Variants in ADAM23 observed in about 807,000 individuals in gnomAD.
The protein encoded by ADAM23 is ADAM metallopeptidase domain 23, also known as disintegrin and metalloproteinase domain-containing protein 23.
ADAM23 carries 33 observed loss-of-function variants against 120.1 expected under a neutral mutation model. The ratio of observed to expected loss-of-function variants is 0.27; its 90% CI spans 0.21 to 0.37. The LOEUF is 0.37. ADAM23 is among the 10% of genes least tolerant of loss of function. ADAM23 has a pLI of 1.00. For missense variants in ADAM23, 862 were observed against 1,058.2 expected (o/e 0.81, Z 2.57); for synonymous variants, 367 against 375.2 (o/e 0.98, Z 0.25).
chr2:206,445,379 A>T lies in ADAM23; in HGVS notation c.287A>T (p.Asn96Ile). The change falls in exon 2 of 26, where the codon AAT becomes ATT. Residue 96 changes from asparagine (N) to isoleucine (I), a missense_variant. Coordinates refer to ENST00000264377, the MANE Select transcript of ADAM23 (RefSeq NM_003812.4). ...GATGAAGACAATACATTGCAACAGA[A>T]TAGCAGCAGTAATATCAGTTACAGC... ...LADEDNTLQQ[N>I]SSSNISYSNA... The T allele has an allele frequency of 6.2e-7, 1 of 1,614,178 alleles. No homozygotes were observed. Among genetic ancestry groups the T allele is most frequent in the Non-Finnish European group, 8.5e-7 (1 of 1,180,028 alleles).
chr2:206,585,215 G>C (rs1408019107), intron 18 of ADAM23, among the ~76,000 whole-genome samples: 1 of 152,174 alleles, frequency 6.6e-6, no homozygotes, highest in Non-Finnish European at 1.5e-5. Context: ...CTGCAATCTA[G>C]TCCTGCCTCC....
At chr2:206,613,042 T>C (rs1698865547) in intron 25 of ADAM23, among the ~76,000 whole-genome samples, 1 of 152,230 alleles carries the variant, frequency 6.6e-6, no homozygotes, top group African/African-American at 2.4e-5. Context: ...ATGTTATGGG[T>C]AGTAACTTTG....
intron 2 of ADAM23, among the ~76,000 whole-genome samples, chr2:206,460,558 C>T (rs539353417): frequency 5.2e-4 from 79 of 152,006 alleles, no homozygotes; most frequent in Non-Finnish European, 1.1e-3. Context: ...ATTCTTCGCT[C>T]ATTTTCTAAT....
intron 10 of ADAM23, among the ~76,000 whole-genome samples, 173 bp from the exon 11 acceptor site, chr2:206,559,782 T>A (rs1446668963): frequency 6.6e-6 from 1 of 152,176 alleles, no homozygotes; most frequent in South Asian, 2.1e-4. Context: ...TGTTCTTTCT[T>A]TATTTTTGCT....
intron 25 of ADAM23, among the ~76,000 whole-genome samples, chr2:206,615,679 C>G (rs933821101): frequency 6.6e-6 from 1 of 152,200 alleles, no homozygotes; most frequent in African/African-American, 2.4e-5. Flanking sequence ...CAGAAAGATA[C>G]AGTTCTGCAG....
intron 13 of ADAM23, among the ~76,000 whole-genome samples, 191 bp from the exon 14 acceptor site, chr2:206,564,829 A>G (rs894006198): frequency 6.6e-6 from 1 of 152,230 alleles, no homozygotes; most frequent in South Asian, 2.1e-4. Flanking sequence ...GAATTAACCT[A>G]TAATTCTGGA....
rs1277099053 is a variant in ADAM23 at position 206,619,109 on chromosome 2, A to G, written c.*1482A>G. 2.0e-5 allele frequency: 3 copies of G among 152,222 alleles called. No homozygotes were observed. Among genetic ancestry groups the G allele is most frequent in the African/African-American group, 7.2e-5 (3 of 41,462 alleles). 9.4% of individuals were successfully genotyped at this position (152,222 alleles called of 1,614,324 possible). On this transcript the variant is annotated 3_prime_UTR_variant, in exon 26 of 26. Transcript: ENST00000264377. The stretch of plus-strand genomic sequence containing the variant: ...AAGTGGTAATGGGAATAGAAGGAGC[A>G]GTTACCTTTGTATCCGCATTGTTAA...
intron 2 of ADAM23, among the ~76,000 whole-genome samples, chr2:206,471,300 T>G (rs1695654162): frequency 6.6e-6 from 1 of 152,240 alleles, no homozygotes; most frequent in Admixed American, 6.5e-5. Context: ...TCAGAATTTC[T>G]CATTCTTAAC....
rs1486387805 is a variant in ADAM23 at position 206,620,988 on chromosome 2, A to G, written c.*3361A>G. 6.6e-6 allele frequency: 1 copy of G among 152,158 alleles called. No homozygotes were observed. Among genetic ancestry groups the G allele is most frequent in the Admixed American group, 6.5e-5 (1 of 15,278 alleles). 9.4% of individuals were successfully genotyped at this position (152,158 alleles called of 1,614,324 possible). A position where few individuals can be genotyped will look rare whatever the true frequency, so the allele number is the denominator to read the frequency against. On this transcript the variant is annotated 3_prime_UTR_variant, in exon 26 of 26. Coordinates refer to ENST00000264377, the MANE Select transcript of ADAM23 (RefSeq NM_003812.4). ...TAGTTTCCATTTTCAAGTGCTTTGTAATTTTTTAAGTGCACTACCTGAAAT... is the reference window on the plus strand; with the variant it reads ...TAGTTTCCATTTTCAAGTGCTTTGTGATTTTTTAAGTGCACTACCTGAAAT...
At chr2:206,462,156 C>T (rs956933436) in intron 2 of ADAM23, among the ~76,000 whole-genome samples, 1 of 152,066 alleles carries the variant, frequency 6.6e-6, no homozygotes, top group African/African-American at 2.4e-5. Flanking sequence ...AGGAATGTTA[C>T]TGGAGGTGAA....
chr2:206,489,557 A>C (rs73054226), intron 3 of ADAM23, among the ~76,000 whole-genome samples: 6,728 of 152,272 alleles, frequency 0.044, 510 homozygotes, highest in African/African-American at 0.15. Flanking sequence ...AGAGATCTGC[A>C]GAAGGAAGGC....
intron 2 of ADAM23, among the ~76,000 whole-genome samples, chr2:206,456,008 A>G (rs1293171513): frequency 6.6e-6 from 1 of 151,850 alleles, no homozygotes; most frequent in Non-Finnish European, 1.5e-5. Context: ...GCGCTTCCAC[A>G]TTTTCCGGTT....
chr2:206,443,708 A>T lies in ADAM23; in HGVS notation c.-159A>T. 5.1e-6 allele frequency: 1 copy of T among 195,368 alleles called. No homozygotes were observed. The highest frequency in any genetic ancestry group is 9.1e-6 in the Non-Finnish European group (1 of 109,746). The allele number at this position is 195,368 out of a possible 1,614,324, so 12.1% of individuals were successfully genotyped here. A position where few individuals can be genotyped will look rare whatever the true frequency, so the allele number is the denominator to read the frequency against. The stretch of plus-strand genomic sequence containing the variant: ...CGAGCCGGGAAAGGGGGCGCCGCCC[A>T]GCCCCGAGCCCCGCGCCCCGTGCCC... On this transcript the variant is annotated 5_prime_UTR_variant, in exon 1 of 26. Transcript: ENST00000264377.
intron 24 of ADAM23, 93 bp downstream of exon 24, chr2:206,596,255 G>A (rs567639599): frequency 2.2e-6 from 2 of 889,280 alleles, no homozygotes; most frequent in Admixed American, 5.2e-5. Flanking sequence ...CTTAAGAGGA[G>A]ACACATAAGA....
intron 25 of ADAM23, 54 bp downstream of exon 25, chr2:206,610,054 C>A: frequency 7.0e-7 from 1 of 1,431,072 alleles, no homozygotes; most frequent in Non-Finnish European, 9.2e-7. Flanking sequence ...CTCTTTTCTG[C>A]TTACATAACC....
chr2:206,501,258 A>G (rs923496823), intron 3 of ADAM23, among the ~76,000 whole-genome samples: 3 of 152,102 alleles, frequency 2.0e-5, no homozygotes, highest in African/African-American at 7.2e-5. Flanking sequence ...TCTTATCCCT[A>G]TTGAGAGCTC....
intron 25 of ADAM23, among the ~76,000 whole-genome samples, chr2:206,611,623 C>A (rs915920660): frequency 6.6e-6 from 1 of 152,194 alleles, no homozygotes; most frequent in East Asian, 1.9e-4. Context: ...GGAAAACAGT[C>A]TATTACACGT....
At chr2:206,508,023 A>C (rs1381881117) in intron 3 of ADAM23, among the ~76,000 whole-genome samples, 2 of 152,054 alleles carry the variant, frequency 1.3e-5, no homozygotes, top group African/African-American at 4.8e-5. Context: ...TTTATAAATA[A>C]ATTGCCTAGT....
intron 3 of ADAM23, among the ~76,000 whole-genome samples, chr2:206,505,252 T>C (rs984520591): frequency 2.6e-5 from 4 of 152,200 alleles, no homozygotes; most frequent in African/African-American, 7.2e-5. Context: ...CCAGGCAAAA[T>C]AACACTAATA....
Sources: allele counts gnomAD v4.1 joint callset (sites outside exome capture counted in the v4.1 genomes callset), GRCh38; gene constraint gnomAD v4.1.1; transcripts MANE v1.5; gene names NCBI Gene and HGNC (gene_info 2026-07-23, HGNC 2026-07-21).